The following FGF14 variants were observed in gnomAD, a reference collection of about 807,000 sequenced individuals.
The protein encoded by FGF14 is fibroblast growth factor homologous factor 4.
Under a neutral mutation model 25.5 loss-of-function variants are expected in FGF14, and 5 were observed. That is an observed-to-expected ratio of 0.20 (90% CI 0.10 to 0.41). The LOEUF is 0.41. FGF14 is among the 10% of genes least tolerant of loss of function. The probability of loss-of-function intolerance (pLI) is 1.00; values close to 1 mark genes in which losing one functional copy is unlikely to be tolerated. For missense variants in FGF14, 222 were observed against 320.1 expected (o/e 0.69, Z 2.34); for synonymous variants, 138 against 118.3 (o/e 1.17, Z -1.08).
At chr13:101,879,509 C>T (rs192418455) in intron 1 of FGF14, among the ~76,000 whole-genome samples, 8 of 152,064 alleles carry the variant, frequency 5.3e-5, no homozygotes, top group Non-Finnish European at 7.4e-5. Context: ...AATTAAACAC[C>T]GTCATAAATG....
At chr13:102,170,980 T>C (rs2048221955) in intron 1 of FGF14, among the ~76,000 whole-genome samples, 1 of 152,102 alleles carries the variant, frequency 6.6e-6, no homozygotes, top group Non-Finnish European at 1.5e-5. Flanking sequence ...TCTTTAACAA[T>C]GAAAGCTTAA....
intron 1 of FGF14, among the ~76,000 whole-genome samples, chr13:102,012,227 G>A (rs1030933239): frequency 2.0e-5 from 3 of 152,048 alleles, no homozygotes; most frequent in Non-Finnish European, 4.4e-5. Context: ...AAGGGGCAGA[G>A]AAGAAAAGAT....
intron 1 of FGF14, among the ~76,000 whole-genome samples, chr13:102,382,718 C>T (rs1457013364): frequency 6.6e-6 from 1 of 151,886 alleles, no homozygotes; most frequent in Non-Finnish European, 1.5e-5. Flanking sequence ...TGAAAACAAC[C>T]CAAATGTCCA....
At chr13:102,182,668 C>A (rs2048724463) in intron 1 of FGF14, among the ~76,000 whole-genome samples, 2 of 152,034 alleles carry the variant, frequency 1.3e-5, no homozygotes, top group African/African-American at 4.8e-5. Flanking sequence ...TGGTTCTTTA[C>A]AAAATTTGTT....
intron 1 of FGF14, among the ~76,000 whole-genome samples, chr13:102,345,520 T>C (rs1260844745): frequency 6.6e-6 from 1 of 152,226 alleles, no homozygotes; most frequent in African/African-American, 2.4e-5. Context: ...GCATGCCTTT[T>C]CCCCCATCCC....
Position 101,850,289 on chromosome 13 carries a change from A to C in FGF14, c.408+18436T>G, listed in dbSNP as rs1391263938. Among the ~76,000 whole-genome samples the C allele has an allele frequency of 1.8e-4, 25 of 140,904 alleles. 2 individuals carry two copies. Among genetic ancestry groups the C allele is most frequent in the South Asian group, 9.2e-4 (4 of 4,366 alleles). The allele number at this position is 140,904 out of a possible 152,430, so 92.4% of individuals were successfully genotyped here. On this transcript the variant is annotated intron_variant, in intron 3 of 4. Coordinates refer to ENST00000376143, the MANE Select transcript of FGF14 (RefSeq NM_004115.4). ...CCTCTACTAAAAATCCAAAAAAAAA[A>C]AAAAAAAAAAAAAAAATAGCCGGGC...
At chr13:101,831,158 A>G (rs1359081876) in intron 3 of FGF14, among the ~76,000 whole-genome samples, 2 of 152,024 alleles carry the variant, frequency 1.3e-5, no homozygotes, top group African/African-American at 4.8e-5. Context: ...ACCATCCCAT[A>G]TGATTTTTTG....
chr13:102,204,146 C>T (rs185556544), intron 1 of FGF14, among the ~76,000 whole-genome samples: 8 of 152,332 alleles, frequency 5.3e-5, no homozygotes, highest in Admixed American at 5.2e-4. Flanking sequence ...GCAGGTTTTA[C>T]AGGACCCAGA....
chr13:102,098,738 A>G (rs887999224), intron 1 of FGF14, among the ~76,000 whole-genome samples: 2 of 152,148 alleles, frequency 1.3e-5, no homozygotes, highest in Non-Finnish European at 2.9e-5. Context: ...TTTGGAGAGG[A>G]CCTATCAGGG....
At chr13:102,106,408 T>C (rs2044918003) in intron 1 of FGF14, among the ~76,000 whole-genome samples, 1 of 152,024 alleles carries the variant, frequency 6.6e-6, no homozygotes, top group African/African-American at 2.4e-5. Flanking sequence ...CTGCCTCTAC[T>C]AAAAATACAA....
intron 1 of FGF14, among the ~76,000 whole-genome samples, chr13:101,875,779 T>C (rs1423035224): frequency 6.6e-6 from 1 of 152,118 alleles, no homozygotes; most frequent in Non-Finnish European, 1.5e-5. Flanking sequence ...TTAAAAACAT[T>C]CATACTAACA....
intron 1 of FGF14, among the ~76,000 whole-genome samples, chr13:102,397,206 C>T (rs935747984): frequency 6.6e-6 from 1 of 152,050 alleles, no homozygotes; most frequent in African/African-American, 2.4e-5. Context: ...CATGACAGCC[C>T]TAGATGTAAA....
intron 1 of FGF14, among the ~76,000 whole-genome samples, chr13:102,046,964 G>C (rs539789460): frequency 1.9e-4 from 29 of 152,180 alleles, no homozygotes; most frequent in African/African-American, 7.0e-4. Flanking sequence ...TGGATCTATT[G>C]GGGAGGTGTC....
chr13:101,988,803 A>G (rs2038737439), intron 1 of FGF14, among the ~76,000 whole-genome samples: 1 of 152,024 alleles, frequency 6.6e-6, no homozygotes. Flanking sequence ...ACATGTATAC[A>G]TATGTAACAA....
At chr13:102,268,779 G>A (rs1459323031) in intron 1 of FGF14, among the ~76,000 whole-genome samples, 1 of 152,050 alleles carries the variant, frequency 6.6e-6, no homozygotes, top group Non-Finnish European at 1.5e-5. Context: ...GGGAAAACAT[G>A]TTATATTATT....
intron 3 of FGF14, among the ~76,000 whole-genome samples, chr13:101,841,708 T>C (rs1409789956): frequency 6.6e-6 from 1 of 151,948 alleles, no homozygotes; most frequent in Non-Finnish European, 1.5e-5. Context: ...GGTGGCCAGG[T>C]TCCTAGGACT....
At chr13:101,948,307 C>T (rs2035938415) in intron 1 of FGF14, among the ~76,000 whole-genome samples, 1 of 151,926 alleles carries the variant, frequency 6.6e-6, no homozygotes, top group Non-Finnish European at 1.5e-5. Context: ...AATGCAAATT[C>T]AGAATTATGT....
chr13:102,052,574 C>T (rs775892498), intron 1 of FGF14, among the ~76,000 whole-genome samples: 9 of 151,410 alleles, frequency 5.9e-5, no homozygotes, highest in Non-Finnish European at 2.9e-5. Flanking sequence ...TTCAATAAGG[C>T]AGCAGTGAAT....
At chr13:102,120,200 A>C (rs144408166) in intron 1 of FGF14, among the ~76,000 whole-genome samples, 1 of 152,346 alleles carries the variant, frequency 6.6e-6, no homozygotes, top group Non-Finnish European at 1.5e-5. Context: ...AAAACTGCAA[A>C]GGCAGACAAA....
Sources: allele counts gnomAD v4.1 joint callset (sites outside exome capture counted in the v4.1 genomes callset), GRCh38; gene constraint gnomAD v4.1.1; transcripts MANE v1.5; gene names NCBI Gene and HGNC (gene_info 2026-07-23, HGNC 2026-07-21).